OTUD7A: variants seen among roughly 807,000 people sequenced by gnomAD.
The protein encoded by OTUD7A is OTU domain-containing protein 7A.
In OTUD7A, 12 loss-of-function variants were observed where a neutral mutation model predicts 65.7. That is an observed-to-expected ratio of 0.18 (90% CI 0.12 to 0.30). OTUD7A has a LOEUF of 0.30. Among genes scored for constraint, OTUD7A ranks in the 10% least tolerant of loss-of-function variants. The probability of loss-of-function intolerance (pLI) is 1.00; values close to 1 mark genes in which losing one functional copy is unlikely to be tolerated. For synonymous variants in OTUD7A, 641 were observed against 586.3 expected (o/e 1.09, Z -1.35); for missense variants, 1,148 against 1,304.8 (o/e 0.88, Z 1.85).
chr15:31,720,754 A>C (rs1369977891), intron 1 of OTUD7A, among the ~76,000 whole-genome samples: 1 of 150,962 alleles, frequency 6.6e-6, no homozygotes, highest in Non-Finnish European at 1.5e-5. Flanking sequence ...CAGTGTTTCT[A>C]AAGTCTACAG....
chr15:31,598,786 C>A (rs903154165), intron 3 of OTUD7A, among the ~76,000 whole-genome samples: 4 of 152,206 alleles, frequency 2.6e-5, no homozygotes, highest in Admixed American at 6.5e-5. Flanking sequence ...GCACAGCAGT[C>A]TGAGGTCGAC....
intron 1 of OTUD7A, among the ~76,000 whole-genome samples, chr15:31,681,228 C>G (rs1892706722): frequency 6.6e-6 from 1 of 151,826 alleles, no homozygotes; most frequent in Non-Finnish European, 1.5e-5. Flanking sequence ...GGTCATGTGT[C>G]TGCTAAGTAG....
At chr15:31,497,408 C>G (rs1281603688) in intron 10 of OTUD7A, among the ~76,000 whole-genome samples, 1 of 152,002 alleles carries the variant, frequency 6.6e-6, no homozygotes, top group African/African-American at 2.4e-5. Flanking sequence ...TGCTGCCATG[C>G]CCAGATAATT....
At chr15:31,670,539 G>C (rs4536427) in intron 1 of OTUD7A, among the ~76,000 whole-genome samples, 3,228 of 152,054 alleles carry the variant, frequency 0.021, 110 homozygotes, top group African/African-American at 0.072. Flanking sequence ...CAGTGATGTT[G>C]AGCTCTATTT....
chr15:31,727,870 G>A (rs1893936396), intron 1 of OTUD7A, among the ~76,000 whole-genome samples: 1 of 152,060 alleles, frequency 6.6e-6, no homozygotes, highest in South Asian at 2.1e-4. Context: ...TGGCCTTTCT[G>A]TGGCTATCTG....
intron 3 of OTUD7A, among the ~76,000 whole-genome samples, chr15:31,604,761 C>G (rs192089340): frequency 6.6e-6 from 1 of 152,300 alleles, no homozygotes; most frequent in Admixed American, 6.5e-5. Flanking sequence ...CACTCAGGAG[C>G]CCAGGGGAGG....
intron 1 of OTUD7A, among the ~76,000 whole-genome samples, chr15:31,713,256 T>C (rs1041990470): frequency 6.6e-6 from 1 of 152,122 alleles, no homozygotes; most frequent in Non-Finnish European, 1.5e-5. Context: ...GAAAGCAACA[T>C]GGAGGAGCAT....
chr15:31,839,244 G>A (rs932506592), intron 1 of OTUD7A, among the ~76,000 whole-genome samples: 1 of 152,260 alleles, frequency 6.6e-6, no homozygotes, highest in African/African-American at 2.4e-5. Flanking sequence ...ACAGTGGGCA[G>A]GCGCTGGCCT....
intron 8 of OTUD7A, among the ~76,000 whole-genome samples, chr15:31,509,355 C>T (rs961959379): frequency 2.6e-5 from 4 of 151,884 alleles, no homozygotes; most frequent in Non-Finnish European, 5.9e-5. Flanking sequence ...CTCAGCTCAC[C>T]GCAAATTCCA....
intron 1 of OTUD7A, among the ~76,000 whole-genome samples, chr15:31,710,129 G>T (rs1893404517): frequency 6.6e-6 from 1 of 151,518 alleles, no homozygotes; most frequent in African/African-American, 2.4e-5. Flanking sequence ...GAATAAAAAT[G>T]TTATCAGTCA....
chr15:31,839,247 G>A (rs1897129127), intron 1 of OTUD7A, among the ~76,000 whole-genome samples: 1 of 152,216 alleles, frequency 6.6e-6, no homozygotes, highest in Admixed American at 6.5e-5. Context: ...GTGGGCAGGC[G>A]CTGGCCTCAA....
At chr15:31,612,990 A>G (rs1209987682) in intron 3 of OTUD7A, among the ~76,000 whole-genome samples, 1 of 152,164 alleles carries the variant, frequency 6.6e-6, no homozygotes. Flanking sequence ...CAATAAGCCC[A>G]AATACTTACA....
At chr15:31,510,545 A>G (rs1211152149) in intron 8 of OTUD7A, among the ~76,000 whole-genome samples, 5 of 129,982 alleles carry the variant, frequency 3.8e-5, no homozygotes, top group African/African-American at 1.6e-4. Flanking sequence ...ACATATGTAT[A>G]TCTATATGTA....
rs1895089931 is a variant in OTUD7A at position 31,766,200 on chromosome 15, A to G, written c.-100+104307T>C. 7 of 1,514,532 alleles carry G rather than the reference A, an allele frequency of 4.6e-6. No individual in the cohort carries two copies. In the East Asian group the frequency reaches 1.6e-4, roughly 34 times the overall value. The allele number at this position is 1,514,532 out of a possible 1,614,324, so 93.8% of individuals were successfully genotyped here. A position where few individuals can be genotyped will look rare whatever the true frequency, so the allele number is the denominator to read the frequency against. ...TCCAGCAAGAAGCTCATCAAGGTCC[A>G]CTTCTTCAGCACAGCATAACACACA... is the stretch of plus-strand genomic sequence containing the variant. On this transcript the variant is annotated intron_variant, in intron 1 of 12. Transcript: ENST00000307050.
At chr15:31,798,512 G>A (rs1351087298) in intron 1 of OTUD7A, among the ~76,000 whole-genome samples, 2 of 152,230 alleles carry the variant, frequency 1.3e-5, no homozygotes, top group East Asian at 3.9e-4. Flanking sequence ...GCACTGACGA[G>A]TATTCTGAAG....
intron 3 of OTUD7A, among the ~76,000 whole-genome samples, chr15:31,638,743 C>T (rs1006021005): frequency 1.3e-5 from 2 of 152,042 alleles, no homozygotes; most frequent in African/African-American, 4.8e-5. Context: ...ATGTGACTTG[C>T]TTTATTGCTA....
In OTUD7A at chr15:31,592,904, A is replaced by AAAAAT. The variant is rs1416029921; in HGVS notation, c.152-22708_152-22707insATTTT. On this transcript the variant is annotated intron_variant, in intron 3 of 12. Coordinates refer to ENST00000307050, the MANE Select transcript of OTUD7A (RefSeq NM_001382637.1). ...CAAAAAAAAAAAAAAAAAAAAAAAA[A>AAAAAT]ATATATATATATATATATATATATA... is the stretch of plus-strand genomic sequence containing the variant. Among the ~76,000 whole-genome samples the AAAAAT allele has an allele frequency of 4.4e-3, 261 of 59,360 alleles. 9 individuals carry two copies. Among genetic ancestry groups the AAAAAT allele is most frequent in the Non-Finnish European group, 6.1e-3 (223 of 36,774 alleles). 38.9% of individuals were successfully genotyped at this position (59,360 alleles called of 152,430 possible). A position where few individuals can be genotyped will look rare whatever the true frequency, so the allele number is the denominator to read the frequency against.
chr15:31,803,759 C>T (rs1243430722), intron 1 of OTUD7A, among the ~76,000 whole-genome samples: 1 of 152,178 alleles, frequency 6.6e-6, no homozygotes, highest in African/African-American at 2.4e-5. Flanking sequence ...CTGAGAGCAA[C>T]GCTTTAATGC....
intron 3 of OTUD7A, among the ~76,000 whole-genome samples, chr15:31,610,836 A>C (rs8024993): frequency 0.28 from 42,509 of 149,752 alleles, 7,128 homozygotes; most frequent in African/African-American, 0.47. Flanking sequence ...TCACCGTGTT[A>C]GCCAGGATGG....
Sources: allele counts gnomAD v4.1 joint callset (sites outside exome capture counted in the v4.1 genomes callset), GRCh38; gene constraint gnomAD v4.1.1; transcripts MANE v1.5; gene names NCBI Gene and HGNC (gene_info 2026-07-23, HGNC 2026-07-21).